Variants in CEP131 observed in about 807,000 individuals in gnomAD.
CEP131 encodes the protein centrosomal protein of 131 kDa.
Under a neutral mutation model 136.8 loss-of-function variants are expected in CEP131, and 99 were observed. The ratio of observed to expected loss-of-function variants is 0.72; its 90% CI spans 0.62 to 0.86. The LOEUF (loss-of-function observed/expected upper bound fraction) is 0.86, where lower values mean the gene tolerates loss of function less well. Among genes scored for constraint, CEP131 ranks in the 40% least tolerant of loss-of-function variants. CEP131 has a pLI of 0.00. For synonymous variants in CEP131, 646 were observed against 612.7 expected, an observed-to-expected ratio of 1.05 and a Z score of -0.80; for missense variants, 1,459 against 1,463.0, an observed-to-expected ratio of 1.00 and a Z score of 0.04.
At chr17:81,199,669 G>T (rs143673290) in intron 9 of CEP131, 50 bp downstream of exon 9, 2 of 1,600,058 alleles carry the variant, frequency 1.2e-6, no homozygotes, top group Non-Finnish European at 1.7e-6. Flanking sequence ...AGCCCCGCAC[G>T]GTCAGGCCTG....
chr17:81,205,410 GGGGGTA>G (rs2061983683), intron 5 of CEP131, among the ~76,000 whole-genome samples: 2 of 100,398 alleles, frequency 2.0e-5, no homozygotes, highest in African/African-American at 8.5e-5. Context: ...GCAGTGGGTG[GGGGGTA>G]GGAGGGGCAG....
intron 2 of CEP131, among the ~76,000 whole-genome samples, chr17:81,214,960 G>A (rs1567880730): frequency 6.6e-6 from 1 of 151,468 alleles, no homozygotes; most frequent in Non-Finnish European, 1.5e-5. Flanking sequence ...TGTATTTTTA[G>A]TAGAGATGGG....
Position 81,191,007 on chromosome 17 carries a change from C to T in CEP131, c.2843G>A (p.Cys948Tyr). Residue 948 changes from cysteine to tyrosine, a missense_variant, in exon 23 of 26, where the codon TGC becomes TAC. Physicochemically the swap from Cys to Tyr is radical, Grantham distance 194 (BLOSUM62 -2). Around this residue, in one of 3 missense-constraint regions of CEP131, gnomAD observed 1,026 missense variants for 964.2 expected, o/e 1.06. Transcript: ENST00000450824. ...CCCAAGCTGGCCCTTCAGCTCCGAG[C>T]ACCGCTCCTGAAGCTTCCGCTCCGA... ...EQSERKLQERCSELKGQLGEA... is the reference protein window; with the variant it reads ...EQSERKLQERYSELKGQLGEA... The T allele has an allele frequency of 1.2e-6, 2 of 1,609,714 alleles. No homozygotes were observed. Among genetic ancestry groups the T allele is most frequent in the Non-Finnish European group, 1.7e-6 (2 of 1,179,902 alleles).
Position 81,194,846 on chromosome 17 carries a change from G to A in CEP131, c.2119+24C>T, listed in dbSNP as rs202132358. On this transcript the variant is annotated intron_variant, in intron 17 of 25. Transcript: ENST00000450824. ...CGCAGCACCCACCCCACACCTGGCC[G>A]GCTCATGGGAGGGGAGGGCCCACCT... 13 of 1,595,342 alleles carry A rather than the reference G, an allele frequency of 8.1e-6. No homozygotes were observed. The Admixed American group carries it at 1.0e-4, about 12-fold the overall frequency.
chr17:81,194,136 G>T lies in CEP131; in HGVS notation c.2120-9C>A. Reference sequence around the variant, plus strand: ...GATCTCGGGCTCCAGACCTGGGGGCGGGGCACCAGCTAGGGCCACGTCCAG... The same window carrying T: ...GATCTCGGGCTCCAGACCTGGGGGCTGGGCACCAGCTAGGGCCACGTCCAG... On this transcript the variant is annotated splice_polypyrimidine_tract_variant and intron_variant, in intron 17 of 25. Transcript: ENST00000450824. The T allele has an allele frequency of 6.6e-7, 1 of 1,512,064 alleles. No individual in the cohort carries two copies. 93.7% of individuals were successfully genotyped at this position (1,512,064 alleles called of 1,614,324 possible).
In CEP131 at chr17:81,194,089, T is replaced by C; in HGVS notation, c.2158A>G (p.Lys720Glu). The C allele has an allele frequency of 6.4e-7, 1 of 1,568,268 alleles. No homozygotes were observed. The highest frequency in any genetic ancestry group is 8.6e-7 in the Non-Finnish European group (1 of 1,158,750). Residue 720 changes from lysine (K) to glutamate (E), a missense_variant, in exon 18 of 26, where the codon AAG becomes GAG. Physicochemically the swap from Lys to Glu is moderately conservative, Grantham distance 56. This residue lies in a region of CEP131 where 1,026 missense variants were observed against 964.2 expected (regional missense o/e 1.06). Transcript: ENST00000450824. The part of the protein sequence containing the change: ...PEIQKLIARH[K>E]QEVRRLKSLH... ...CTCTTGAGCCTCCGCACTTCCTGCT[T>C]GTGCCTTGCAATCAGCTTCTGGATC...
rs1457284362 is a variant in CEP131 at position 81,190,529 on chromosome 17, G to GC, written c.3107+109dup. 1.0e-4 allele frequency: 137 copies of GC among 1,336,608 alleles called. No homozygotes were observed. The South Asian group carries it at 1.9e-3, about 18-fold the overall frequency. The allele number at this position is 1,336,608 out of a possible 1,614,324, so 82.8% of individuals were successfully genotyped here. ...CCTCTGTCTACAGGGCCCTGTCTCT[G>GC]CATCTCCTGGCCTTCCTCAGCCACA... On this transcript the variant is annotated intron_variant, in intron 24 of 25. Coordinates refer to ENST00000450824, the MANE Select transcript of CEP131 (RefSeq NM_014984.4).
At chr17:81,192,644 G>C (rs1225359958) in intron 19 of CEP131, 51 bp from the exon 20 acceptor site, 1 of 1,521,686 alleles carries the variant, frequency 6.6e-7, no homozygotes, top group South Asian at 1.1e-5. Context: ...TAAGGAGTCA[G>C]GGATGGGAGA....
At position 81,191,340 on chromosome 17, in the gene CEP131, G is replaced by C. The variant is rs1223543554; in HGVS notation, c.2623-5C>G. The C allele has an allele frequency of 6.2e-7, 1 of 1,612,560 alleles. No homozygotes were observed. The highest frequency in any genetic ancestry group is 1.3e-5 in the African/African-American group (1 of 75,064). On this transcript the variant is annotated splice_polypyrimidine_tract_variant and splice_region_variant and intron_variant, in intron 21 of 25. Transcript: ENST00000450824. ...CCGGTTCAGCAGCCACGCCTCCTGGGGGGACATGCGCTGCCTGGGGGTTGC... is the reference window on the plus strand; with the variant it reads ...CCGGTTCAGCAGCCACGCCTCCTGGCGGGACATGCGCTGCCTGGGGGTTGC...
chr17:81,191,465 G>A, intron 21 of CEP131, 130 bp from the exon 22 acceptor site: 1 of 831,668 alleles, frequency 1.2e-6, no homozygotes, highest in African/African-American at 1.7e-5. Flanking sequence ...CCCCTCTCCA[G>A]ACCCCTGTCC....
Position 81,200,393 on chromosome 17 carries a change from T to C in CEP131, c.842A>G (p.His281Arg), listed in dbSNP as rs2061864541. Residue 281 changes from histidine (H) to arginine (R), a missense_variant, in exon 8 of 26, where the codon CAC becomes CGC. Physicochemically the swap from His to Arg is conservative, Grantham distance 29. Coordinates refer to ENST00000450824, the MANE Select transcript of CEP131 (RefSeq NM_014984.4). Reference sequence around the variant, plus strand: ...TCCTGCTCCGCGCCGCTGCACCTGGTGCCGGTACCAGCGCTGGATGGTGAC... The same window carrying C: ...TCCTGCTCCGCGCCGCTGCACCTGGCGCCGGTACCAGCGCTGGATGGTGAC... Reference protein sequence around the residue: ...ATVTIQRWYRHQVQRRGAGAA... With the variant: ...ATVTIQRWYRRQVQRRGAGAA... 6.4e-7 allele frequency: 1 copy of C among 1,566,680 alleles called. No individual in the cohort carries two copies. Among genetic ancestry groups the C allele is most frequent in the Non-Finnish European group, 8.6e-7 (1 of 1,156,436 alleles).
chr17:81,198,429 G>C, intron 11 of CEP131, 132 bp from the exon 12 acceptor site: 1 of 968,870 alleles, frequency 1.0e-6, no homozygotes, highest in Non-Finnish European at 1.5e-6. Flanking sequence ...CCCCAGGAAG[G>C]TGAGGCCAGG....
At position 81,203,725 on chromosome 17, in the gene CEP131, T is replaced by C. The variant is rs546118597; in HGVS notation, c.516-118A>G. ...ACAAAGGCCTTCAGTGCTTGCTACG[T>C]GCTGGCAGCATTGTCGTCCAGTGTC... On this transcript the variant is annotated intron_variant, in intron 5 of 25. Coordinates refer to ENST00000450824, the MANE Select transcript of CEP131 (RefSeq NM_014984.4). The surrounding 1 kb of genome is among the most constrained non-coding windows in gnomAD (Gnocchi z 4.6). 1.1e-5 allele frequency: 8 copies of C among 735,806 alleles called. No individual in the cohort carries two copies. The African/African-American group carries it at 1.4e-4, about 13-fold the overall frequency. The allele number at this position is 735,806 out of a possible 1,614,324, so 45.6% of individuals were successfully genotyped here. A position where few individuals can be genotyped will look rare whatever the true frequency, so the allele number is the denominator to read the frequency against.
Position 81,208,736 on chromosome 17 carries a change from C to T in CEP131, c.272+192G>A, listed in dbSNP as rs747685771. Reference sequence around the variant, plus strand: ...AGGAGAGTGTCTGCCTCAGGCCTCCCGCCCCAATGCGAGAGGAGGCCTGGG... The same window carrying T: ...AGGAGAGTGTCTGCCTCAGGCCTCCTGCCCCAATGCGAGAGGAGGCCTGGG... On this transcript the variant is annotated intron_variant, in intron 3 of 25. Transcript: ENST00000450824. The surrounding 1 kb of genome is among the most constrained non-coding windows in gnomAD (Gnocchi z 5.6). Among the ~76,000 whole-genome samples the T allele has an allele frequency of 6.6e-6, 1 of 152,080 alleles. No homozygotes were observed. The highest frequency in any genetic ancestry group is 1.5e-5 in the Non-Finnish European group (1 of 67,950).
In CEP131 at chr17:81,198,291, G is replaced by A. The variant is rs1313470745; in HGVS notation, c.1294C>T (p.Leu432Phe). The A allele has an allele frequency of 1.3e-6, 2 of 1,597,418 alleles. No individual in the cohort carries two copies. The highest frequency in any genetic ancestry group is 8.5e-7 in the Non-Finnish European group (1 of 1,171,390). Residue 432 changes from leucine to phenylalanine, a missense_variant, in exon 12 of 26, where the codon CTT becomes TTT. Physicochemically the swap from Leu to Phe is conservative, Grantham distance 22. Transcript: ENST00000450824. ...TTGTCCCCAGCTGCATCCTGGGCAA[G>A]AACGTCCTGCAAAAGAGCAGGGAGA... Reference protein sequence around the residue: ...QPPEDRTQDVLAQDAAGDNLE... With the variant: ...QPPEDRTQDVFAQDAAGDNLE...
rs924235160 is a variant in CEP131 at position 81,191,403 on chromosome 17, G to A, written c.2623-68C>T. ...GCCCGCGGGGCCAGGGCCAGCCTCAGGGGGTCCTGGGGGGCTCCAGGCTCT... is the reference window on the plus strand; with the variant it reads ...GCCCGCGGGGCCAGGGCCAGCCTCAAGGGGTCCTGGGGGGCTCCAGGCTCT... On this transcript the variant is annotated intron_variant, in intron 21 of 25. Coordinates refer to ENST00000450824, the MANE Select transcript of CEP131 (RefSeq NM_014984.4). 127 of 1,458,220 alleles carry A rather than the reference G, an allele frequency of 8.7e-5. No homozygotes were observed. In the Admixed American group the frequency reaches 2.1e-3, roughly 24 times the overall value. 90.3% of individuals were successfully genotyped at this position (1,458,220 alleles called of 1,614,324 possible).
In CEP131 at chr17:81,198,136, G is replaced by C; in HGVS notation, c.1449C>G (p.Gly483=). The change falls in exon 12 of 26, where the codon GGC becomes GGG. Residue 483 remains glycine, a synonymous_variant. Coordinates refer to ENST00000450824, the MANE Select transcript of CEP131 (RefSeq NM_014984.4). ...TCACCTCGCTGGCCCAGGCGTATCT[G>C]CCCCTGTGATGGGTCCTGGGGCGGG... is the stretch of plus-strand genomic sequence containing the variant. ...VLPRPRTHHR[G]RYAWASEEDD... is the part of the protein sequence containing the mutation. 1 of 1,571,886 alleles carries C rather than the reference G, an allele frequency of 6.4e-7. No homozygotes were observed. Among genetic ancestry groups the C allele is most frequent in the Non-Finnish European group, 8.6e-7 (1 of 1,159,280 alleles).
In CEP131 at chr17:81,215,667, G is replaced by A. The variant is rs752555259; in HGVS notation, c.177+4213C>T. The stretch of plus-strand genomic sequence containing the variant: ...CCTCAAGCAATCTGCCCACCTCGGC[G>A]TCCCAAAGTGCTGGGATTACAGGCA... On this transcript the variant is annotated intron_variant, in intron 2 of 25. Transcript: ENST00000450824. This position sits in a 1 kb window ranked among gnomAD's most constrained non-coding sequence, Gnocchi z 4.1. Among the ~76,000 whole-genome samples, 1 of 150,874 alleles carries A rather than the reference G, an allele frequency of 6.6e-6. No homozygotes were observed. The highest frequency in any genetic ancestry group is 2.0e-4 in the East Asian group (1 of 5,062).
intron 5 of CEP131, chr17:81,204,193 C>T (rs1457578695): frequency 6.5e-6 from 1 of 152,758 alleles, no homozygotes; most frequent in Admixed American, 6.5e-5. Context: ...CGGAGACACA[C>T]TGTTCTCCCA....
Sources: gnomAD v4.1 joint callset for allele counts (sites outside exome capture counted in the v4.1 genomes callset) on GRCh38, gnomAD v4.1.1 for gene constraint, gnomAD v4.1.1 regional missense constraint, Gnocchi (gnomAD v3.1) non-coding constraint, MANE v1.5 for transcripts, NCBI Gene and HGNC (gene_info 2026-07-23, HGNC 2026-07-21) for gene names.